Variants in MEP1A observed in about 807,000 individuals in gnomAD.
MEP1A encodes N-benzoyl-L-tyrosyl-P-amino-benzoic acid hydrolase subunit alpha.
MEP1A carries 68 observed loss-of-function variants against 84.5 expected under a neutral mutation model. The observed-to-expected ratio is 0.80, with a 90% CI of 0.66 to 0.98. MEP1A has a LOEUF of 0.98. Among genes scored for constraint, MEP1A ranks in the 50% least tolerant of loss-of-function variants. The pLI is 0.00. For missense variants in MEP1A, 887 were observed against 919.9 expected (o/e 0.96, Z 0.46); for synonymous variants, 337 against 336.8 (o/e 1.00, Z -0.01).
At position 46,819,560 on chromosome 6, in the gene MEP1A, G is replaced by A. The variant is rs1767718601; in HGVS notation, c.412G>A (p.Gly138Arg). ...GTCTGAGGTTGGTGACCAACATGTG[G>A]GACAGAACATTTCCATTGGCCAAGG... The part of the protein sequence containing the change: ...CWSEVGDQHV[G>R]QNISIGQGCA... The change falls in exon 7 of 14, where the codon GGA becomes AGA. Residue 138 changes from glycine (G) to arginine (R), a missense_variant. Transcript: ENST00000230588. The A allele has an allele frequency of 6.2e-7, 1 of 1,613,662 alleles. No homozygotes were observed. Among genetic ancestry groups the A allele is most frequent in the South Asian group, 1.1e-5 (1 of 91,006 alleles).
At chr6:46,807,542 A>AAGAAAGAG in intron 5 of MEP1A, among the ~76,000 whole-genome samples, 1 of 51,268 alleles carries the variant, frequency 2.0e-5, no homozygotes, top group African/African-American at 1.1e-4. Context: ...GAAAGAAAGA[A>AAGAAAGAG]AGAAAGAAAG....
chr6:46,844,541 C>A (rs1189849896), downstream of MEP1A, among the ~76,000 whole-genome samples: 3 of 152,070 alleles, frequency 2.0e-5, no homozygotes, highest in African/African-American at 7.2e-5. Context: ...TGTGGCTCAC[C>A]AGCTCAATGA....
In MEP1A at chr6:46,799,104, A is replaced by G. The variant is rs1226812410; in HGVS notation, c.187-2A>G. ...CACTCACCTTTACCTTTGTTTTCACAGAAATCCAGAAATGGCCTGAGAGAC... is the reference window on the plus strand; with the variant it reads ...CACTCACCTTTACCTTTGTTTTCACGGAAATCCAGAAATGGCCTGAGAGAC... On this transcript the variant is annotated splice_acceptor_variant, in intron 4 of 13. Coordinates refer to ENST00000230588, the MANE Select transcript of MEP1A (RefSeq NM_005588.3). LOFTEE classifies it high-confidence loss of function. 1 of 1,609,948 alleles carries G rather than the reference A, an allele frequency of 6.2e-7. No homozygotes were observed. The highest frequency in any genetic ancestry group is 8.5e-7 in the Non-Finnish European group (1 of 1,176,182).
chr6:46,811,507 T>C (rs898115122), intron 6 of MEP1A, among the ~76,000 whole-genome samples: 3 of 152,082 alleles, frequency 2.0e-5, no homozygotes, highest in Non-Finnish European at 4.4e-5. Context: ...TCCAGTAGTA[T>C]GTTGAATAGA....
At chr6:46,798,957 C>A in intron 4 of MEP1A, 149 bp from the exon 5 acceptor site, 1 of 635,854 alleles carries the variant, frequency 1.6e-6, no homozygotes, top group Non-Finnish European at 2.8e-6. Flanking sequence ...TCAAGGACTT[C>A]TATTGCTTTC....
At chr6:46,806,817 T>C (rs1431383206) in intron 5 of MEP1A, among the ~76,000 whole-genome samples, 4 of 152,032 alleles carry the variant, frequency 2.6e-5, no homozygotes, top group African/African-American at 7.2e-5. Flanking sequence ...AAAATGCAAC[T>C]GTAGATTTAT....
chr6:46,821,052 AG>A (rs1235530890), intron 7 of MEP1A, among the ~76,000 whole-genome samples: 2 of 152,028 alleles, frequency 1.3e-5, no homozygotes, highest in East Asian at 3.8e-4. Flanking sequence ...GAACTGACCA[AG>A]CTTTATAATT....
chr6:46,799,132 A>T lies in MEP1A; in HGVS notation c.213A>T (p.Pro71=), dbSNP rs147005596. 4.7e-4 allele frequency: 756 copies of T among 1,613,446 alleles called. 1 individual carries two copies. Among genetic ancestry groups the T allele is most frequent in the Admixed American group, 9.8e-4 (59 of 60,020 alleles). ...LQKSRNGLRD[P]NTRWTFPIPY... ...AATCCAGAAATGGCCTGAGAGACCC[A>T]AACACCAGGTGGACGTTCCCCATTC... The change falls in exon 5 of 14, where the codon CCA becomes CCT. Residue 71 remains proline, a synonymous_variant. Transcript: ENST00000230588.
intron 13 of MEP1A, among the ~76,000 whole-genome samples, chr6:46,838,154 A>G (rs1377761752): frequency 6.6e-6 from 1 of 151,830 alleles, no homozygotes; most frequent in Non-Finnish European, 1.5e-5. Flanking sequence ...CGGCCTCCCA[A>G]AGTGCTGGTA....
chr6:46,827,547 G>A (rs9463252), intron 9 of MEP1A, among the ~76,000 whole-genome samples: 4,214 of 152,210 alleles, frequency 0.028, 200 homozygotes, highest in African/African-American at 0.095. Flanking sequence ...CACTTAGTCC[G>A]TAACTGTCTG....
In MEP1A at chr6:46,839,231, G is replaced by A. The variant is rs1170343754; in HGVS notation, c.*95G>A. ...ATGCAGTTTTTATCAGCCTTGCTTTGGATAGGACCTCCAAGGACTAAGGCC... is the reference window on the plus strand; with the variant it reads ...ATGCAGTTTTTATCAGCCTTGCTTTAGATAGGACCTCCAAGGACTAAGGCC... On this transcript the variant is annotated 3_prime_UTR_variant, in exon 14 of 14. Transcript: ENST00000230588. 2 of 610,168 alleles carry A rather than the reference G, an allele frequency of 3.3e-6. No homozygotes were observed. The highest frequency in any genetic ancestry group is 2.6e-6 in the Non-Finnish European group (1 of 385,790). 37.8% of individuals were successfully genotyped at this position (610,168 alleles called of 1,614,324 possible).
At chr6:46,807,892 A>C (rs1238713929) in intron 5 of MEP1A, among the ~76,000 whole-genome samples, 1 of 152,086 alleles carries the variant, frequency 6.6e-6, no homozygotes, top group East Asian at 1.9e-4. Flanking sequence ...GAGGAGGAGC[A>C]CTCAGGGTTG....
At position 46,833,334 on chromosome 6, in the gene MEP1A, G is replaced by T. The variant is rs2274658; in HGVS notation, c.1405G>T (p.Val469Leu). The T allele has an allele frequency of 0.39, 637,207 of 1,613,798 alleles. 128,185 individuals carry two copies. Among genetic ancestry groups the T allele is most frequent in the African/African-American group, 0.5 (37,777 of 74,926 alleles). Residue 469 changes from valine (V) to leucine (L), a missense_variant, in exon 11 of 14, where the codon GTA (valine) becomes TTA (leucine). By Grantham distance (32) the Val-to-Leu change is conservative. Transcript: ENST00000230588. ...FYNSEGYGFGVTLYPNSRESS... is the reference protein window; with the variant it reads ...FYNSEGYGFGLTLYPNSRESS... Reference sequence around the variant, plus strand: ...CAATTCGGAGGGATATGGTTTTGGGGTAACTTTATACCCAAATAGCAGAGA... The same window carrying T: ...CAATTCGGAGGGATATGGTTTTGGGTTAACTTTATACCCAAATAGCAGAGA...
chr6:46,816,455 C>T (rs568763457), intron 6 of MEP1A, among the ~76,000 whole-genome samples: 1 of 151,484 alleles, frequency 6.6e-6, no homozygotes, highest in Admixed American at 6.6e-5. Flanking sequence ...AAGAGTGGGG[C>T]CACTGAGAAA....
chr6:46,813,922 G>C (rs1405636129), intron 6 of MEP1A, among the ~76,000 whole-genome samples: 1 of 152,170 alleles, frequency 6.6e-6, no homozygotes, highest in Non-Finnish European at 1.5e-5. Flanking sequence ...GAAATCTGCT[G>C]TTAATCTGAT....
chr6:46,818,098 G>A (rs1196801976), intron 6 of MEP1A, among the ~76,000 whole-genome samples: 1 of 152,180 alleles, frequency 6.6e-6, no homozygotes, highest in Non-Finnish European at 1.5e-5. Context: ...TGAATATTTT[G>A]CAGAGTAAAC....
At position 46,826,346 on chromosome 6, in the gene MEP1A, AT is replaced by A; in HGVS notation, c.779-5del. On this transcript the variant is annotated splice_region_variant and splice_polypyrimidine_tract_variant and intron_variant, in intron 8 of 13. Transcript: ENST00000230588. The stretch of plus-strand genomic sequence containing the variant: ...TTTTTAACCAGATGATAAAAATATA[AT>A]TTGCAGCCACAACTCACACTCTTTT... 6.3e-7 allele frequency: 1 copy of A among 1,581,094 alleles called. No homozygotes were observed. Among genetic ancestry groups the A allele is most frequent in the Non-Finnish European group, 8.6e-7 (1 of 1,163,936 alleles).
intron 6 of MEP1A, among the ~76,000 whole-genome samples, chr6:46,809,826 A>T (rs1238611936): frequency 7.6e-6 from 1 of 132,260 alleles, no homozygotes; most frequent in African/African-American, 2.9e-5. Flanking sequence ...ATATATATAT[A>T]TTTTACATAT....
chr6:46,826,195 A>C (rs772387404), intron 8 of MEP1A, among the ~76,000 whole-genome samples, 159 bp from the exon 9 acceptor site: 3 of 152,194 alleles, frequency 2.0e-5, no homozygotes, highest in Non-Finnish European at 2.9e-5. Context: ...GCAAGTACTA[A>C]GATCTGATGA....
Sources: allele counts gnomAD v4.1 joint callset (sites outside exome capture counted in the v4.1 genomes callset), GRCh38; gene constraint gnomAD v4.1.1; transcripts MANE v1.5; gene names NCBI Gene and HGNC (gene_info 2026-07-23, HGNC 2026-07-21).